CYP2C8: variants seen among roughly 807,000 people sequenced by gnomAD.
The protein encoded by CYP2C8 is cytochrome P450 2C8.
Under a neutral mutation model 41.3 loss-of-function variants are expected in CYP2C8, and 51 were observed. The observed-to-expected ratio is 1.24, with a 90% CI of 0.99 to 1.56. The LOEUF (loss-of-function observed/expected upper bound fraction) is 1.56, where lower values mean the gene tolerates loss of function less well. Ranked by LOEUF, CYP2C8 falls within the 40% of genes most tolerant of loss-of-function variation. CYP2C8 has a pLI of 0.00. For synonymous variants in CYP2C8, 218 were observed against 205.8 expected (o/e 1.06, Z -0.51); for missense variants, 651 against 579.9 (o/e 1.12, Z -1.26).
intron 6 of CYP2C8, 22 bp downstream of exon 6, chr10:95,045,788 T>G (rs1236598583): frequency 1.2e-6 from 2 of 1,613,818 alleles, no homozygotes; most frequent in South Asian, 2.2e-5. Flanking sequence ...AAATTCACTT[T>G]GTTCATCATC....
At chr10:95,058,208 G>T (rs11572105) in intron 5 of CYP2C8, 127 bp downstream of exon 5, 42,963 of 1,381,912 alleles carry the variant, frequency 0.031, 918 homozygotes, top group Middle Eastern at 0.12. Flanking sequence ...AATACAATAA[G>T]TAATTAAGAT....
chr10:95,047,521 C>A (rs2033132538), intron 5 of CYP2C8, among the ~76,000 whole-genome samples: 1 of 152,068 alleles, frequency 6.6e-6, no homozygotes, highest in South Asian at 2.1e-4. Flanking sequence ...AGAATGAGTT[C>A]ACAAAGACAA....
chr10:95,041,705 C>T (rs1255475626), intron 7 of CYP2C8, among the ~76,000 whole-genome samples: 2 of 147,952 alleles, frequency 1.4e-5, no homozygotes, highest in Admixed American at 1.4e-4. Context: ...GGCGTGAACC[C>T]GGGAAGCGGA....
intron 5 of CYP2C8, among the ~76,000 whole-genome samples, chr10:95,051,048 C>G (rs1293248882): frequency 1.3e-5 from 2 of 152,044 alleles, no homozygotes; most frequent in Non-Finnish European, 2.9e-5. Context: ...ATCTTTCAGC[C>G]AGAGAATATA....
chr10:95,057,600 A>G (rs1319389170), intron 5 of CYP2C8, among the ~76,000 whole-genome samples: 2 of 152,218 alleles, frequency 1.3e-5, no homozygotes, highest in Admixed American at 1.3e-4. Context: ...TACTACTGAC[A>G]TAAGGACAGA....
In CYP2C8 at chr10:95,056,276, G is replaced by T. The variant is rs1187728224; in HGVS notation, c.819+2059C>A. On this transcript the variant is annotated intron_variant, in intron 5 of 8. Transcript: ENST00000371270. ...CAAATATTGGCTATAATATGGAAAA[G>T]AGGAACCCTCAAACATTGCTGATGG... 3.3e-5 allele frequency among the ~76,000 whole-genome samples: 5 copies of T among 152,098 alleles called. No homozygotes were observed. In the South Asian group the frequency reaches 8.3e-4, roughly 25 times the overall value.
At chr10:95,068,712 T>C in intron 1 of CYP2C8, 1 of 850,042 alleles carries the variant, frequency 1.2e-6, no homozygotes. Context: ...CCAATGTTTC[T>C]GTATTCACAA....
intron 5 of CYP2C8, among the ~76,000 whole-genome samples, 179 bp from the exon 6 acceptor site, chr10:95,046,130 T>C (rs1275700895): frequency 6.6e-6 from 1 of 152,218 alleles, no homozygotes; most frequent in African/African-American, 2.4e-5. Flanking sequence ...TCAAACTTTA[T>C]TTCCTGACAG....
At chr10:95,066,153 A>AGAGAGTGTGTGTGTGTGT (rs1342809282) in intron 3 of CYP2C8, among the ~76,000 whole-genome samples, 1 of 88,286 alleles carries the variant, frequency 1.1e-5, no homozygotes, top group African/African-American at 4.5e-5. Flanking sequence ...AGAGAGAGAG[A>AGAGAGTGTGTGTGTGTGT]GTGTGTGTGT....
At position 95,041,134 on chromosome 10, in the gene CYP2C8, T is replaced by C. The variant is rs193089188; in HGVS notation, c.1149+1756A>G. Among the ~76,000 whole-genome samples the C allele has an allele frequency of 3.1e-4, 47 of 152,300 alleles. No individual in the cohort carries two copies. In the East Asian group the frequency reaches 7.1e-3, roughly 23 times the overall value. The stretch of plus-strand genomic sequence containing the variant: ...ATATAAATAGATGCAGAGAATCAAT[T>C]TGATAAAATTGCACACACATTCATG... On this transcript the variant is annotated intron_variant, in intron 7 of 8. Transcript: ENST00000371270.
chr10:95,063,165 C>T (rs1326609236), intron 4 of CYP2C8, among the ~76,000 whole-genome samples: 7 of 152,110 alleles, frequency 4.6e-5, no homozygotes, highest in African/African-American at 1.7e-4. Flanking sequence ...CTCTGTATTT[C>T]CTGAATTTGA....
chr10:95,052,793 C>T (rs1280960490), intron 5 of CYP2C8, among the ~76,000 whole-genome samples: 1 of 151,978 alleles, frequency 6.6e-6, no homozygotes, highest in Non-Finnish European at 1.5e-5. Flanking sequence ...AGGAACATAC[C>T]TCACCATAGT....
intron 5 of CYP2C8, among the ~76,000 whole-genome samples, chr10:95,054,959 TAAC>T (rs979877953): frequency 1.3e-5 from 2 of 152,118 alleles, no homozygotes; most frequent in African/African-American, 4.8e-5. Context: ...TATACATATG[TAAC>T]AAATGTGCAC....
chr10:95,042,209 T>A (rs1171117404), intron 7 of CYP2C8, among the ~76,000 whole-genome samples: 1 of 152,100 alleles, frequency 6.6e-6, no homozygotes, highest in Non-Finnish European at 1.5e-5. Context: ...TAAAGATAAA[T>A]TGAAGACAAA....
At chr10:95,061,291 A>G (rs11517030) in intron 4 of CYP2C8, among the ~76,000 whole-genome samples, 1 of 151,978 alleles carries the variant, frequency 6.6e-6, no homozygotes, top group Non-Finnish European at 1.5e-5. Context: ...TTGGTTGGTA[A>G]GCTGTTAATT....
chr10:95,068,605 T>C, intron 1 of CYP2C8: 4 of 1,289,000 alleles, frequency 3.1e-6, no homozygotes, highest in Non-Finnish European at 4.0e-6. Flanking sequence ...CCCTTCACCT[T>C]CAGTCAAAAA....
chr10:95,056,959 G>A lies in CYP2C8; in HGVS notation c.819+1376C>T, dbSNP rs11572110. Among the ~76,000 whole-genome samples the A allele has an allele frequency of 1.5e-3, 223 of 152,256 alleles. 3 individuals are homozygous for A. Among genetic ancestry groups the A allele is most frequent in the Non-Finnish European group, 2.5e-3 (172 of 68,008 alleles). ...AACAGGCAGTGGTACAGCTCTGCGA[G>A]GGCTCCTGCAGAGCAGGGCTATGAT... On this transcript the variant is annotated intron_variant, in intron 5 of 8. Coordinates refer to ENST00000371270, the MANE Select transcript of CYP2C8 (RefSeq NM_000770.3).
At chr10:95,062,470 T>C (rs2134434607) in intron 4 of CYP2C8, among the ~76,000 whole-genome samples, 1 of 152,272 alleles carries the variant, frequency 6.6e-6, no homozygotes, top group Middle Eastern at 3.4e-3. Flanking sequence ...AACCCCTGCC[T>C]TTTTTTGTTT....
At chr10:95,057,667 CT>C (rs761824569) in intron 5 of CYP2C8, among the ~76,000 whole-genome samples, 2 of 152,106 alleles carry the variant, frequency 1.3e-5, no homozygotes, top group Non-Finnish European at 2.9e-5. Flanking sequence ...TTATACTCAA[CT>C]GGTTTTTAAT....
Sources: allele counts gnomAD v4.1 joint callset (sites outside exome capture counted in the v4.1 genomes callset), GRCh38; gene constraint gnomAD v4.1.1; transcripts MANE v1.5; gene names NCBI Gene and HGNC (gene_info 2026-07-23, HGNC 2026-07-21).